The following SFMBT2 variants were observed in gnomAD, a reference collection of about 807,000 sequenced individuals.
The protein encoded by SFMBT2 is scm-like with four MBT domains protein 2.
Under a neutral mutation model 110.1 loss-of-function variants are expected in SFMBT2, and 38 were observed. The ratio of observed to expected loss-of-function variants is 0.35; its 90% CI spans 0.27 to 0.45. The LOEUF is 0.45. Among genes scored for constraint, SFMBT2 ranks in the 20% least tolerant of loss-of-function variants. The pLI is 1.00. For synonymous variants in SFMBT2, 425 were observed against 425.4 expected (o/e 1.00, Z 0.01); for missense variants, 1,011 against 1,094.9 (o/e 0.92, Z 1.08).
Position 7,356,509 on chromosome 10 carries a change from G to C in SFMBT2, c.436+11140C>G, listed in dbSNP as rs141056141. On this transcript the variant is annotated intron_variant, in intron 4 of 20. Transcript: ENST00000397167. ...TGGCTCACTGCAACCTCCGCCTCCC[G>C]GGTTCAAGCAACTCTCCTGCCTCAG... Among the ~76,000 whole-genome samples the C allele has an allele frequency of 9.0e-3, 1,368 of 152,256 alleles. 17 individuals carry two copies. Among genetic ancestry groups the C allele is most frequent in the African/African-American group, 0.031 (1,296 of 41,532 alleles).
At chr10:7,313,362 G>T (rs1842907240) in intron 4 of SFMBT2, among the ~76,000 whole-genome samples, 2 of 152,204 alleles carry the variant, frequency 1.3e-5, no homozygotes, top group Non-Finnish European at 2.9e-5. Flanking sequence ...AGAAGCAATG[G>T]AGTGAAATAA....
intron 4 of SFMBT2, chr10:7,287,429 A>G (rs1205497701): frequency 4.1e-6 from 1 of 244,056 alleles, no homozygotes; most frequent in Non-Finnish European, 6.6e-6. Flanking sequence ...AACATTCTAC[A>G]AGTGCTTAGA....
intron 4 of SFMBT2, among the ~76,000 whole-genome samples, chr10:7,342,330 G>A (rs1240716225): frequency 6.7e-6 from 1 of 149,690 alleles, no homozygotes; most frequent in Non-Finnish European, 1.5e-5. Context: ...ATGGATGGGG[G>A]AACCAGAATA....
At chr10:7,330,736 AT>A (rs1443563025) in intron 4 of SFMBT2, among the ~76,000 whole-genome samples, 1 of 151,896 alleles carries the variant, frequency 6.6e-6, no homozygotes, top group Non-Finnish European at 1.5e-5. Flanking sequence ...TTCCCATATA[AT>A]ATGCCCCTTC....
chr10:7,224,480 T>C (rs1171334822), intron 10 of SFMBT2, among the ~76,000 whole-genome samples: 2 of 152,190 alleles, frequency 1.3e-5, no homozygotes, highest in Admixed American at 6.5e-5. Context: ...AGAGAGACCA[T>C]GAATTTTATA....
intron 4 of SFMBT2, chr10:7,286,462 A>C: frequency 4.7e-6 from 3 of 643,700 alleles, no homozygotes; most frequent in Non-Finnish European, 5.8e-6. Flanking sequence ...GGGGAGAATA[A>C]GTAGTCCCCT....
At chr10:7,394,909 C>G (rs560506974) in intron 1 of SFMBT2, among the ~76,000 whole-genome samples, 8 of 152,116 alleles carry the variant, frequency 5.3e-5, no homozygotes, top group African/African-American at 1.9e-4. Context: ...GTGTCTGGCT[C>G]CTGATGAAGA....
chr10:7,321,307 T>C (rs1588446767), intron 4 of SFMBT2, among the ~76,000 whole-genome samples: 1 of 151,430 alleles, frequency 6.6e-6, no homozygotes, highest in East Asian at 1.9e-4. Flanking sequence ...GTTCATGCCA[T>C]TCTCCTGCCT....
At position 7,376,727 on chromosome 10, in the gene SFMBT2, C is replaced by CAAAAAAAAA. The variant is rs35816107; in HGVS notation, c.100+5063_100+5071dup. Among the ~76,000 whole-genome samples the CAAAAAAAAA allele has an allele frequency of 5.4e-4, 24 of 44,736 alleles. 1 individual carries two copies. The highest frequency in any genetic ancestry group is 2.3e-3 in the African/African-American group (23 of 9,810). The allele number at this position is 44,736 out of a possible 152,430, so 29.3% of individuals were successfully genotyped here. The stretch of plus-strand genomic sequence containing the variant: ...AAAAAAAAAAAAAAAGGCCCTCCCA[C>CAAAAAAAAA]AAAAAAAAAAAAAAAAAAAAAAAAA... On this transcript the variant is annotated intron_variant, in intron 2 of 20. Transcript: ENST00000397167.
intron 7 of SFMBT2, among the ~76,000 whole-genome samples, chr10:7,263,375 G>A (rs1588396059): frequency 6.6e-6 from 1 of 152,232 alleles, no homozygotes; most frequent in Middle Eastern, 3.4e-3. Context: ...CCGAGTAGGT[G>A]GACTACAGGC....
At chr10:7,180,026 T>C (rs1016384466) in intron 16 of SFMBT2, among the ~76,000 whole-genome samples, 24 of 152,312 alleles carry the variant, frequency 1.6e-4, no homozygotes, top group Middle Eastern at 6.8e-3. Flanking sequence ...CTGGGGAAGC[T>C]GGCGGATGGC....
chr10:7,380,090 GA>G (rs1195191701), intron 2 of SFMBT2, among the ~76,000 whole-genome samples: 1 of 152,138 alleles, frequency 6.6e-6, no homozygotes, highest in Non-Finnish European at 1.5e-5. Flanking sequence ...GAAAGCTCAG[GA>G]ACTCCAGAAT....
chr10:7,409,327 A>G (rs35546503), intron 1 of SFMBT2: 8,098 of 152,262 alleles, frequency 0.053, 326 homozygotes, highest in African/African-American at 0.11. Flanking sequence ...CGCAGGATCC[A>G]GCACACACAA....
At chr10:7,329,554 G>GA (rs1252457143) in intron 4 of SFMBT2, 2 of 979,712 alleles carry the variant, frequency 2.0e-6, no homozygotes, top group Admixed American at 6.2e-5. Context: ...GTCACAAACT[G>GA]CCCTAGCGCC....
chr10:7,293,307 C>G lies in SFMBT2; in HGVS notation c.437-7353G>C, dbSNP rs187435342. 6.1e-3 allele frequency among the ~76,000 whole-genome samples: 932 copies of G among 152,258 alleles called. 14 individuals carry two copies. The highest frequency in any genetic ancestry group is 0.021 in the African/African-American group (867 of 41,560). Reference sequence around the variant, plus strand: ...AGACACCGGGTTTCACCATGTTGGCCAGGCTGGTCTTGAACTCCTGACTTC... The same window carrying G: ...AGACACCGGGTTTCACCATGTTGGCGAGGCTGGTCTTGAACTCCTGACTTC... On this transcript the variant is annotated intron_variant, in intron 4 of 20. Transcript: ENST00000397167. The surrounding 1 kb of genome is among the most constrained non-coding windows in gnomAD (Gnocchi z 4.6).
Position 7,220,406 on chromosome 10 carries a change from C to A in SFMBT2, c.1330+5G>T. 6.2e-7 allele frequency: 1 copy of A among 1,613,338 alleles called. No individual in the cohort carries two copies. The highest frequency in any genetic ancestry group is 8.5e-7 in the Non-Finnish European group (1 of 1,179,434). Reference sequence around the variant, plus strand: ...CAGCGACTGCTACCCCCAGCGAGTACGTACCTTCCAGGTGAAGCCACATTA... The same window carrying A: ...CAGCGACTGCTACCCCCAGCGAGTAAGTACCTTCCAGGTGAAGCCACATTA... On this transcript the variant is annotated splice_donor_5th_base_variant and intron_variant, in intron 11 of 20. Transcript: ENST00000397167.
intron 4 of SFMBT2, among the ~76,000 whole-genome samples, chr10:7,330,846 A>G (rs1843541914): frequency 6.6e-6 from 1 of 152,228 alleles, no homozygotes; most frequent in East Asian, 1.9e-4. Flanking sequence ...AGGAACAAAG[A>G]CAAGGTCTCT....
At position 7,197,683 on chromosome 10, in the gene SFMBT2, G is replaced by A. The variant is rs376556042; in HGVS notation, c.1563C>T (p.Thr521=). 3.5e-5 allele frequency: 56 copies of A among 1,613,646 alleles called. No individual in the cohort carries two copies. In the African/African-American group the frequency reaches 4.1e-4, roughly 12 times the overall value. ...CLFPHLDTTG[T]VNGKYCCPQL... ...GAGGACAGCAGTATTTCCCGTTGAC[G>A]GTTCCTGCAGGGGACAGCAACATAG... The change falls in exon 15 of 21, where the codon ACC becomes ACT. Residue 521 remains threonine, a synonymous_variant. Coordinates refer to ENST00000397167, the MANE Select transcript of SFMBT2 (RefSeq NM_001387889.1).
At chr10:7,350,219 C>T (rs1290921924) in intron 4 of SFMBT2, among the ~76,000 whole-genome samples, 3 of 151,956 alleles carry the variant, frequency 2.0e-5, no homozygotes, top group African/African-American at 7.3e-5. Context: ...GGGTCCATCC[C>T]GCTGATGGGG....
Sources: allele counts gnomAD v4.1 joint callset (sites outside exome capture counted in the v4.1 genomes callset), GRCh38; gene constraint gnomAD v4.1.1; non-coding constraint Gnocchi (gnomAD v3.1); transcripts MANE v1.5; gene names NCBI Gene and HGNC (gene_info 2026-07-23, HGNC 2026-07-21).